The following RABL6 variants were observed in gnomAD, a reference collection of about 807,000 sequenced individuals.
The protein encoded by RABL6 is RAB, member RAS oncogene family like 6, also known as rab-like protein 6.
A neutral mutation model predicts 72.9 loss-of-function variants in RABL6; 28 were observed. The observed-to-expected ratio is 0.38, with a 90% CI of 0.28 to 0.53. RABL6 has a LOEUF of 0.53. RABL6 is among the 20% of genes least tolerant of loss of function. The pLI is 0.80. For synonymous variants in RABL6, 477 were observed against 421.2 expected (o/e 1.13, Z -1.62); for missense variants, 1,029 against 1,008.4 (o/e 1.02, Z -0.28).
chr9:136,833,661 A>G (rs564595985), intron 7 of RABL6: 36 of 1,535,524 alleles, frequency 2.3e-5, no homozygotes, highest in East Asian at 2.2e-4. Context: ...GGCTGCCCCG[A>G]CTGGGTCTGG....
chr9:136,836,877 G>A, intron 8 of RABL6: 1 of 322,510 alleles, frequency 3.1e-6, no homozygotes, highest in Non-Finnish European at 6.0e-6. Flanking sequence ...TGGCACTGCT[G>A]CTCTTTCTTT....
At chr9:136,811,277 G>A (rs901788561) in intron 1 of RABL6, among the ~76,000 whole-genome samples, 3 of 152,058 alleles carry the variant, frequency 2.0e-5, no homozygotes, top group African/African-American at 7.2e-5. Flanking sequence ...CCACAAAGGC[G>A]GGACAACTTG....
chr9:136,815,516 AC>A, intron 1 of RABL6: 1 of 249,422 alleles, frequency 4.0e-6, no homozygotes, highest in Middle Eastern at 5.7e-4. Context: ...CTTGGTTTTT[AC>A]CTGCCTCGAC....
intron 5 of RABL6, 47 bp from the exon 6 acceptor site, chr9:136,831,674 G>A: frequency 5.0e-6 from 8 of 1,607,022 alleles, no homozygotes; most frequent in East Asian, 2.2e-5. Flanking sequence ...GGAGGGACAG[G>A]GCGTCGCAGG....
intron 11 of RABL6, 39 bp from the exon 12 acceptor site, chr9:136,839,183 T>C: frequency 1.9e-6 from 3 of 1,598,748 alleles, no homozygotes; most frequent in Non-Finnish European, 2.6e-6. Context: ...TCAGGACGCC[T>C]CCAGAGGACC....
chr9:136,836,887 T>C (rs1442341400), intron 8 of RABL6: 3 of 322,450 alleles, frequency 9.3e-6, no homozygotes, highest in Non-Finnish European at 1.8e-5. Context: ...GCTCTTTCTT[T>C]TTCTGAGATG....
At chr9:136,821,242 C>A (rs986089878) in intron 1 of RABL6, 1 of 852,868 alleles carries the variant, frequency 1.2e-6, no homozygotes, top group African/African-American at 1.8e-5. Flanking sequence ...ATGCGGGGAC[C>A]AAGGGACGTC....
chr9:136,822,199 G>GC lies in RABL6; in HGVS notation c.131-1326_131-1325insC, dbSNP rs1848252760. ...GGTCCCCCTGACAGAAAACCTGGGG[G>GC]GGGCGTTGCGGGAGTGAGAGGAGGC... On this transcript the variant is annotated intron_variant, in intron 1 of 14. Transcript: ENST00000311502. The GC allele has an allele frequency of 4.6e-6, 4 of 875,672 alleles. No homozygotes were observed. In the South Asian group the frequency reaches 5.0e-5, roughly 11 times the overall value. The allele number at this position is 875,672 out of a possible 1,614,324, so 54.2% of individuals were successfully genotyped here.
chr9:136,834,757 T>G (rs566111547), intron 7 of RABL6, among the ~76,000 whole-genome samples: 3 of 151,936 alleles, frequency 2.0e-5, no homozygotes, highest in African/African-American at 7.3e-5. Flanking sequence ...GGATTACAGG[T>G]GTGAGCCACC....
rs994814395 is a variant in RABL6, at chr9:136,840,947, C to T, written c.*425C>T. ...TGGGGCCGCAGCATGCCTATGGTTC[C>T]GCTTCCGGCCGGGAGCCCTGAACAC... On this transcript the variant is annotated 3_prime_UTR_variant, in exon 15 of 15. Coordinates refer to ENST00000311502, the MANE Select transcript of RABL6 (RefSeq NM_024718.5). 25 of 1,460,090 alleles carry T rather than the reference C, an allele frequency of 1.7e-5. No individual in the cohort carries two copies. Among genetic ancestry groups the T allele is most frequent in the Admixed American group, 1.0e-4 (4 of 38,444 alleles). The allele number at this position is 1,460,090 out of a possible 1,614,324, so 90.4% of individuals were successfully genotyped here.
At chr9:136,813,419 CT>C in intron 1 of RABL6, 1 of 789,178 alleles carries the variant, frequency 1.3e-6, no homozygotes, top group Non-Finnish European at 2.1e-6. Context: ...TGATTCACCC[CT>C]CCAAGTGGTC....
chr9:136,819,140 G>C (rs945459670), intron 1 of RABL6, among the ~76,000 whole-genome samples: 2 of 151,996 alleles, frequency 1.3e-5, no homozygotes, highest in Non-Finnish European at 2.9e-5. Context: ...GGCTAACATG[G>C]TGAAACCCCG....
Position 136,823,517 on chromosome 9 carries a change from G to C in RABL6, c.131-8G>C. ...ATTTGCCTTTTCTTTTTCTCTTCCCGTCCCCAGTGAAGATAGTGATCCGGG... is the reference window on the plus strand; with the variant it reads ...ATTTGCCTTTTCTTTTTCTCTTCCCCTCCCCAGTGAAGATAGTGATCCGGG... On this transcript the variant is annotated splice_polypyrimidine_tract_variant and splice_region_variant and intron_variant, in intron 1 of 14. Transcript: ENST00000311502. 2 of 1,613,088 alleles carry C rather than the reference G, an allele frequency of 1.2e-6. No homozygotes were observed. The highest frequency in any genetic ancestry group is 1.7e-6 in the Non-Finnish European group (2 of 1,179,618).
chr9:136,841,064 G>A lies in RABL6; in HGVS notation c.*542G>A, dbSNP rs1366015339. The A allele has an allele frequency of 3.3e-5, 47 of 1,416,538 alleles. No individual in the cohort carries two copies. The highest frequency in any genetic ancestry group is 5.5e-6 in the Non-Finnish European group (6 of 1,086,878). The allele number at this position is 1,416,538 out of a possible 1,614,324, so 87.7% of individuals were successfully genotyped here. On this transcript the variant is annotated 3_prime_UTR_variant, in exon 15 of 15. Transcript: ENST00000311502. ...AGCATGTGAGGCCTCTCCTGGGAGT[G>A]GGGGTTGTGTTTCCCACAGTGGCCT...
chr9:136,816,310 G>A (rs953215989), intron 1 of RABL6, among the ~76,000 whole-genome samples: 1 of 151,980 alleles, frequency 6.6e-6, no homozygotes, highest in African/African-American at 2.4e-5. Context: ...TCACCATGTT[G>A]CCCAGGCTGG....
chr9:136,818,099 C>T lies in RABL6; in HGVS notation c.131-5426C>T, dbSNP rs577277514. 3.3e-3 allele frequency among the ~76,000 whole-genome samples: 476 copies of T among 145,724 alleles called. 6 individuals are homozygous for T. Among genetic ancestry groups the T allele is most frequent in the Middle Eastern group, 4.0e-3 (1 of 248 alleles). ...AAAAAAAATGACGGGCACAGTGGCTCACGCCTGTAATCCCAGCACTTTGGG... is the reference window on the plus strand; with the variant it reads ...AAAAAAAATGACGGGCACAGTGGCTTACGCCTGTAATCCCAGCACTTTGGG... On this transcript the variant is annotated intron_variant, in intron 1 of 14. Coordinates refer to ENST00000311502, the MANE Select transcript of RABL6 (RefSeq NM_024718.5).
intron 7 of RABL6, chr9:136,833,423 C>G: frequency 2.4e-6 from 1 of 418,902 alleles, no homozygotes; most frequent in South Asian, 2.0e-5. Flanking sequence ...CCTGAACCTC[C>G]TCGCCCTGGG....
intron 8 of RABL6, chr9:136,836,771 G>A: frequency 5.5e-6 from 1 of 180,674 alleles, no homozygotes; most frequent in South Asian, 1.0e-4. Flanking sequence ...GGCCACCTCT[G>A]CATGGAGCCC....
At position 136,839,018 on chromosome 9, in the gene RABL6, A is replaced by G; in HGVS notation, c.1390A>G (p.Ser464Gly). ...CCCGCTGCCTGCAGGCCCCGTCCCC[A>G]GTCAAGACATCACTCTTTCGAGTGA... ...SPPLPAGPVPSQDITLSSEEE... is the reference protein window; with the variant it reads ...SPPLPAGPVPGQDITLSSEEE... The change falls in exon 11 of 15, where the codon AGT (serine) becomes GGT (glycine). Residue 464 changes from serine to glycine, a missense_variant. Around this residue, in one of 2 missense-constraint regions of RABL6, gnomAD observed 595 missense variants for 472.4 expected, o/e 1.26. Transcript: ENST00000311502. 6.2e-7 allele frequency: 1 copy of G among 1,612,450 alleles called. No homozygotes were observed. The highest frequency in any genetic ancestry group is 1.1e-5 in the South Asian group (1 of 91,050).
Sources: gnomAD v4.1 joint callset for allele counts (sites outside exome capture counted in the v4.1 genomes callset) on GRCh38, gnomAD v4.1.1 for gene constraint, gnomAD v4.1.1 regional missense constraint, MANE v1.5 for transcripts, NCBI Gene and HGNC (gene_info 2026-07-23, HGNC 2026-07-21) for gene names.